CLCN1: variants seen among roughly 807,000 people sequenced by gnomAD.
The protein encoded by CLCN1 is chloride voltage-gated channel 1.
In CLCN1, 100 loss-of-function variants were observed where a neutral mutation model predicts 114.5. The observed-to-expected ratio is 0.87, with a 90% CI of 0.74 to 1.03. The LOEUF (loss-of-function observed/expected upper bound fraction) is 1.03. Among genes scored for constraint, CLCN1 ranks in the 50% least tolerant of loss-of-function variants. CLCN1 has a pLI of 0.00. For missense variants in CLCN1, 1,188 were observed against 1,250.0 expected, an observed-to-expected ratio of 0.95 and a Z score of 0.75; for synonymous variants, 485 against 487.1, an observed-to-expected ratio of 1.00 and a Z score of 0.06.
At chr7:143,340,823 A>G (rs1266890451) in intron 14 of CLCN1, among the ~76,000 whole-genome samples, 3 of 152,166 alleles carry the variant, frequency 2.0e-5, no homozygotes, top group African/African-American at 7.2e-5. Context: ...ATAAGCCACC[A>G]TGCCCGGCTG....
chr7:143,326,803 C>G (rs1287631231), intron 7 of CLCN1, among the ~76,000 whole-genome samples: 1 of 152,120 alleles, frequency 6.6e-6, no homozygotes, highest in East Asian at 1.9e-4. Flanking sequence ...ATTATGAAGA[C>G]TCTCATGGCT....
At chr7:143,337,640 C>T (rs1052586085) in intron 12 of CLCN1, among the ~76,000 whole-genome samples, 4 of 152,128 alleles carry the variant, frequency 2.6e-5, no homozygotes, top group African/African-American at 7.2e-5. Flanking sequence ...CTGCTACCTT[C>T]TTACACCTAA....
intron 9 of CLCN1, 62 bp from the exon 10 acceptor site, chr7:143,331,486 AGTT>A: frequency 4.9e-6 from 6 of 1,233,932 alleles, no homozygotes; most frequent in African/African-American, 3.0e-5. Context: ...TCCCTGCAGT[AGTT>A]ATGTCCAAGA....
At chr7:143,349,881 G>A (rs1318426731) in intron 20 of CLCN1, among the ~76,000 whole-genome samples, 1 of 152,300 alleles carries the variant, frequency 6.6e-6, no homozygotes, top group East Asian at 1.9e-4. Flanking sequence ...ATAAAAAAGG[G>A]GAGAAGCACA....
intron 12 of CLCN1, among the ~76,000 whole-genome samples, chr7:143,334,148 G>C (rs1802806363): frequency 6.6e-6 from 1 of 152,128 alleles, no homozygotes; most frequent in Non-Finnish European, 1.5e-5. Context: ...AGGAGGCGGA[G>C]GTTGCAGTGA....
At position 143,321,305 on chromosome 7, in the gene CLCN1, G is replaced by C; in HGVS notation, c.434-60G>C. The C allele has an allele frequency of 6.2e-7, 1 of 1,602,606 alleles. No homozygotes were observed. The highest frequency in any genetic ancestry group is 1.7e-5 in the Admixed American group (1 of 58,952). On this transcript the variant is annotated intron_variant, in intron 3 of 22. Coordinates refer to ENST00000343257, the MANE Select transcript of CLCN1 (RefSeq NM_000083.3). The surrounding 1 kb of genome is among the most constrained non-coding windows in gnomAD (Gnocchi z 4.2). ...GAGAACATGCCGGGTACACGTCCTG[G>C]TGCCGTGGACACGGCTGCTCAGCCA... is the stretch of plus-strand genomic sequence containing the variant.
chr7:143,336,089 TCA>T (rs1056670594), intron 12 of CLCN1, among the ~76,000 whole-genome samples: 6 of 152,292 alleles, frequency 3.9e-5, no homozygotes, highest in African/African-American at 1.4e-4. Flanking sequence ...TTCCAAATTC[TCA>T]GTTTGCTTTT....
rs192321568 is a variant in CLCN1, at chr7:143,324,152, G to A, written c.775-262G>A. ...TTCTGCTTATCATTTATTGATTTACGTGCCTGGCATATATTTGCCTAACTT... is the reference window on the plus strand; with the variant it reads ...TTCTGCTTATCATTTATTGATTTACATGCCTGGCATATATTTGCCTAACTT... On this transcript the variant is annotated intron_variant, in intron 6 of 22. Transcript: ENST00000343257. The surrounding 1 kb of genome is among the most constrained non-coding windows in gnomAD (Gnocchi z 4.6). Among the ~76,000 whole-genome samples the A allele has an allele frequency of 1.1e-3, 165 of 152,258 alleles. No individual in the cohort carries two copies. Among genetic ancestry groups the A allele is most frequent in the African/African-American group, 3.0e-3 (126 of 41,530 alleles).
chr7:143,333,692 TA>T (rs1374572369), intron 12 of CLCN1, among the ~76,000 whole-genome samples: 3 of 152,226 alleles, frequency 2.0e-5, no homozygotes, highest in Admixed American at 6.5e-5. Flanking sequence ...TGACTACACA[TA>T]ATTTTTATAC....
At chr7:143,343,618 G>A (rs774134200) in intron 16 of CLCN1, among the ~76,000 whole-genome samples, 13 of 152,138 alleles carry the variant, frequency 8.5e-5, no homozygotes, top group Non-Finnish European at 1.8e-4. Context: ...AGCTTCTTAC[G>A]TTGTTCCATT....
In CLCN1 at chr7:143,347,540, G is replaced by A. The variant is rs371268171; in HGVS notation, c.2403+591G>A. 8.1e-5 allele frequency among the ~76,000 whole-genome samples: 12 copies of A among 148,134 alleles called. No homozygotes were observed. In the East Asian group the frequency reaches 1.0e-3, roughly 12 times the overall value. ...GGAGGCTGAGGCACGAAAATCACTTGAACCCGGGAGGTGGGGGTTGCAGTG... is the reference window on the plus strand; with the variant it reads ...GGAGGCTGAGGCACGAAAATCACTTAAACCCGGGAGGTGGGGGTTGCAGTG... On this transcript the variant is annotated intron_variant, in intron 20 of 22. Transcript: ENST00000343257.
At chr7:143,328,094 G>A (rs1339366733) in intron 7 of CLCN1, among the ~76,000 whole-genome samples, 1 of 152,190 alleles carries the variant, frequency 6.6e-6, no homozygotes, top group Non-Finnish European at 1.5e-5. Flanking sequence ...TCTGGTGGGG[G>A]GAGCTAGCTG....
In CLCN1 at chr7:143,321,535, G is replaced by A. The variant is rs1802434242; in HGVS notation, c.562+42G>A. The A allele has an allele frequency of 1.9e-6, 3 of 1,613,420 alleles. No homozygotes were observed. In the African/African-American group the frequency reaches 4.0e-5, roughly 22 times the overall value. On this transcript the variant is annotated intron_variant, in intron 4 of 22. Transcript: ENST00000343257. The surrounding 1 kb of genome is among the most constrained non-coding windows in gnomAD (Gnocchi z 4.2). ...AGACTCGGCCTGAGCTGGGTGGCCT[G>A]AGAGGGGCCCTGTCTGTCTCCCCCA...
Position 143,331,265 on chromosome 7 carries a change from G to T in CLCN1, c.1013G>T (p.Arg338Leu), listed in dbSNP as rs80356703. The change falls in exon 9 of 23, where the codon CGA becomes CTA. Residue 338 changes from arginine (R) to leucine (L), a missense_variant. Physicochemically the swap from Arg to Leu is moderately radical, Grantham distance 102. Coordinates refer to ENST00000343257, the MANE Select transcript of CLCN1 (RefSeq NM_000083.3). ...TITALFRTNFRMDFPFDLKEL... is the reference protein window; with the variant it reads ...TITALFRTNFLMDFPFDLKEL... ...ACTGCTCTGTTCAGAACCAATTTCC[G>T]AATGGATTTCCCCTTTGACCTGAAG... The T allele has an allele frequency of 6.2e-7, 1 of 1,613,622 alleles. No homozygotes were observed. The highest frequency in any genetic ancestry group is 8.5e-7 in the Non-Finnish European group (1 of 1,179,706).
chr7:143,344,082 C>A (rs1023814029), intron 16 of CLCN1, among the ~76,000 whole-genome samples: 1 of 152,192 alleles, frequency 6.6e-6, no homozygotes, highest in African/African-American at 2.4e-5. Flanking sequence ...TCAGGCGATC[C>A]ACCAGCCTTG....
At chr7:143,347,204 G>A (rs1803271071) in intron 20 of CLCN1, among the ~76,000 whole-genome samples, 1 of 152,160 alleles carries the variant, frequency 6.6e-6, no homozygotes, top group African/African-American at 2.4e-5. Context: ...GGGCCATGGT[G>A]CTAAGATGAG....
intron 5 of CLCN1, 150 bp from the exon 6 acceptor site, chr7:143,323,159 T>C: frequency 1.5e-6 from 1 of 646,526 alleles, no homozygotes; most frequent in Non-Finnish European, 2.8e-6. Context: ...CTCTCTGGGA[T>C]GAGGCCTCGT....
intron 12 of CLCN1, among the ~76,000 whole-genome samples, chr7:143,333,080 C>T (rs1236326869): frequency 6.6e-6 from 1 of 152,158 alleles, no homozygotes; most frequent in Non-Finnish European, 1.5e-5. Flanking sequence ...AGGTGGATCA[C>T]TTGATGCCAG....
chr7:143,327,859 T>C (rs2367940), intron 7 of CLCN1, among the ~76,000 whole-genome samples: 130,633 of 151,594 alleles, frequency 0.86, 56,628 homozygotes, highest in Admixed American at 0.93. Context: ...TTTTCCATGT[T>C]GGCCAGGCTG....
Sources: gnomAD v4.1 joint callset for allele counts (sites outside exome capture counted in the v4.1 genomes callset) on GRCh38, gnomAD v4.1.1 for gene constraint, Gnocchi (gnomAD v3.1) non-coding constraint, MANE v1.5 for transcripts, NCBI Gene and HGNC (gene_info 2026-07-23, HGNC 2026-07-21) for gene names.